Variants in ZFAT observed in about 807,000 individuals in gnomAD.
The protein encoded by ZFAT is zinc finger protein ZFAT.
Under a neutral mutation model 117.7 loss-of-function variants are expected in ZFAT, and 64 were observed. The ratio of observed to expected loss-of-function variants is 0.54; its 90% CI spans 0.44 to 0.67. The LOEUF is 0.67. Ranked by LOEUF, ZFAT falls within the 30% of genes least tolerant of loss-of-function variation. The probability of loss-of-function intolerance (pLI) is 0.00; values close to 1 mark genes in which losing one functional copy is unlikely to be tolerated. For synonymous variants in ZFAT, 679 were observed against 615.0 expected, an observed-to-expected ratio of 1.10 and a Z score of -1.54; for missense variants, 1,433 against 1,584.5, an observed-to-expected ratio of 0.90 and a Z score of 1.62.
chr8:134,789,224 A>G, the ZFAT span, among the ~76,000 whole-genome samples: 1 of 152,224 alleles, frequency 6.6e-6, no homozygotes, highest in South Asian at 2.1e-4. Flanking sequence ...GTCTAAAAAA[A>G]GTAATCTTAC....
chr8:134,671,277 A>C (rs1461578392), intron 1 of ZFAT, among the ~76,000 whole-genome samples: 1 of 152,212 alleles, frequency 6.6e-6, no homozygotes, highest in Non-Finnish European at 1.5e-5. Flanking sequence ...TCCTGATACC[A>C]AAGCCTGGCA....
rs528391161 is a variant in ZFAT, at chr8:134,558,065, G to A, written c.2976+7268C>T. Among the ~76,000 whole-genome samples, 126 of 152,356 alleles carry A rather than the reference G, an allele frequency of 8.3e-4. 2 individuals carry two copies. The South Asian group carries it at 0.024, about 29-fold the overall frequency. On this transcript the variant is annotated intron_variant, in intron 11 of 15. Coordinates refer to ENST00000377838, the MANE Select transcript of ZFAT (RefSeq NM_020863.4). Reference sequence around the variant, plus strand: ...TCCTCGGTTGGGCTCTAGGCTTACTGAAAGCATCTTCTGGGTTTAGAAATG... The same window carrying A: ...TCCTCGGTTGGGCTCTAGGCTTACTAAAAGCATCTTCTGGGTTTAGAAATG...
At chr8:134,596,680 T>C (rs372853641) in intron 7 of ZFAT, among the ~76,000 whole-genome samples, 1 of 152,186 alleles carries the variant, frequency 6.6e-6, no homozygotes, top group East Asian at 1.9e-4. Context: ...TGAAATGCAG[T>C]GTATCCATGC....
the ZFAT span, chr8:134,724,013 G>A: frequency 4.6e-5 from 7 of 152,394 alleles, no homozygotes; most frequent in South Asian, 2.1e-4. Flanking sequence ...AAAAACCTAC[G>A]CAGCTGCTTT....
chr8:134,590,735 A>G (rs1216617549), intron 7 of ZFAT, among the ~76,000 whole-genome samples: 1 of 149,874 alleles, frequency 6.7e-6, no homozygotes, highest in Non-Finnish European at 1.5e-5. Context: ...CACCACCAAC[A>G]CCACCACCAC....
At chr8:134,772,052 A>G in the ZFAT span, among the ~76,000 whole-genome samples, 2 of 152,192 alleles carry the variant, frequency 1.3e-5, no homozygotes, top group Non-Finnish European at 2.9e-5. Flanking sequence ...CCCTCCCACA[A>G]CACGTGGGAA....
the ZFAT span, among the ~76,000 whole-genome samples, chr8:134,814,307 A>C: frequency 6.6e-6 from 1 of 152,230 alleles, no homozygotes; most frequent in Non-Finnish European, 1.5e-5. Context: ...GCTGTTTCTC[A>C]ATTTCCTTTC....
chr8:134,660,058 C>T (rs976990233), intron 1 of ZFAT, among the ~76,000 whole-genome samples: 4 of 152,286 alleles, frequency 2.6e-5, no homozygotes, highest in Admixed American at 2.0e-4. Context: ...AAATGCTTCC[C>T]GAACAAGAAG....
At chr8:134,661,922 G>A (rs958548275) in intron 1 of ZFAT, among the ~76,000 whole-genome samples, 1 of 152,194 alleles carries the variant, frequency 6.6e-6, no homozygotes, top group African/African-American at 2.4e-5. Context: ...CAGCACGCAA[G>A]GAGGAACATC....
At chr8:134,791,194 A>C in the ZFAT span, among the ~76,000 whole-genome samples, 2 of 152,012 alleles carry the variant, frequency 1.3e-5, no homozygotes, top group East Asian at 3.9e-4. Context: ...GTAAACTTCA[A>C]CTCTTTCTCA....
intron 15 of ZFAT, among the ~76,000 whole-genome samples, chr8:134,480,687 T>C (rs1384317904): frequency 1.3e-5 from 2 of 152,110 alleles, no homozygotes; most frequent in South Asian, 2.1e-4. Flanking sequence ...CCAGGAGGTG[T>C]AGGGAGCAGC....
chr8:134,616,463 C>T (rs1383916583), intron 3 of ZFAT, among the ~76,000 whole-genome samples: 1 of 152,190 alleles, frequency 6.6e-6, no homozygotes, highest in African/African-American at 2.4e-5. Flanking sequence ...CCTCGAGGAC[C>T]CGACCTAGAA....
chr8:134,673,000 A>C (rs1221180329), intron 1 of ZFAT: 1 of 152,236 alleles, frequency 6.6e-6, no homozygotes, highest in East Asian at 1.9e-4. Flanking sequence ...TAAGTCTTCT[A>C]AATTACGTTT....
intron 15 of ZFAT, 95 bp downstream of exon 15, chr8:134,509,524 C>T: frequency 1.3e-6 from 2 of 1,556,496 alleles, no homozygotes; most frequent in Non-Finnish European, 1.7e-6. Context: ...CAAGTTCTAC[C>T]TCAGGTAAGT....
chr8:134,677,907 C>T (rs1186279457), intron 1 of ZFAT, among the ~76,000 whole-genome samples: 1 of 152,164 alleles, frequency 6.6e-6, no homozygotes, highest in Non-Finnish European at 1.5e-5. Flanking sequence ...GCCCTTCATG[C>T]TAAAAACTCT....
At chr8:134,560,451 T>C (rs1252724096) in intron 11 of ZFAT, among the ~76,000 whole-genome samples, 1 of 152,250 alleles carries the variant, frequency 6.6e-6, no homozygotes, top group Non-Finnish European at 1.5e-5. Context: ...GATAAAATTT[T>C]ATTTTAAAAT....
At chr8:134,588,792 C>A (rs1330476035) in intron 8 of ZFAT, among the ~76,000 whole-genome samples, 1 of 152,094 alleles carries the variant, frequency 6.6e-6, no homozygotes. Context: ...TTCAAGCGAA[C>A]CAACAGTTAA....
chr8:134,717,756 T>C (rs112832768), upstream of ZFAT, among the ~76,000 whole-genome samples: 1,189 of 151,910 alleles, frequency 7.8e-3, 18 homozygotes, highest in African/African-American at 0.027. Flanking sequence ...CAGAGTGCAG[T>C]GGTGAGATCT....
chr8:134,713,129 C>G, upstream of ZFAT: 1 of 374,746 alleles, frequency 2.7e-6, no homozygotes, highest in South Asian at 8.0e-5. Flanking sequence ...CCCGGCAGGG[C>G]CGAGCTAACG....
Sources: gnomAD v4.1 joint callset for allele counts (sites outside exome capture counted in the v4.1 genomes callset) on GRCh38, gnomAD v4.1.1 for gene constraint, MANE v1.5 for transcripts, NCBI Gene and HGNC (gene_info 2026-07-23, HGNC 2026-07-21) for gene names.